Variants in FAM120C observed in about 807,000 individuals in gnomAD.
The protein encoded by FAM120C is constitutive coactivator of PPAR-gamma-like protein 2.
In FAM120C, 14 loss-of-function variants were observed where a neutral mutation model predicts 71.2. That is an observed-to-expected ratio of 0.20 (90% CI 0.13 to 0.31). The LOEUF (loss-of-function observed/expected upper bound fraction) is 0.31, where lower values mean the gene tolerates loss of function less well. Among genes scored for constraint, FAM120C ranks in the 10% least tolerant of loss-of-function variants. The pLI, the probability that FAM120C is intolerant of heterozygous loss-of-function variation, is 1.00. For missense variants in FAM120C, 500 were observed against 879.0 expected (o/e 0.57, Z 5.45); for synonymous variants, 354 against 353.2 (o/e 1.00, Z -0.03).
chrX:54,136,648 C>T, intron 4 of FAM120C, 58 bp from the exon 5 acceptor site: 3 of 795,506 alleles, frequency 3.8e-6, no homozygotes, highest in Non-Finnish European at 5.6e-6. Flanking sequence ...TTTTTTAATA[C>T]AGTTCATAAT....
intron 13 of FAM120C, among the ~76,000 whole-genome samples, chrX:54,083,131 A>G (rs1424776598): frequency 1.8e-5 from 2 of 109,724 alleles, no homozygotes; most frequent in African/African-American, 3.3e-5. Flanking sequence ...AAGAAAAAAA[A>G]AAAAGCAAGA....
At chrX:54,091,134 A>T (rs1557122563) in intron 11 of FAM120C, among the ~76,000 whole-genome samples, 178 bp downstream of exon 11, 1 of 112,247 alleles carries the variant, frequency 8.9e-6, no homozygotes, top group African/African-American at 3.2e-5. Context: ...TATCAGTATG[A>T]GAGCAGCGTA....
chrX:54,179,977 C>T (rs1557137141), intron 1 of FAM120C, among the ~76,000 whole-genome samples: 4 of 111,901 alleles, frequency 3.6e-5, no homozygotes, highest in Non-Finnish European at 7.5e-5. Context: ...ATCTGAATAC[C>T]CGTGACTGAG....
At chrX:54,174,745 A>C (rs938169499) in intron 1 of FAM120C, among the ~76,000 whole-genome samples, 1 of 112,053 alleles carries the variant, frequency 8.9e-6, no homozygotes, top group African/African-American at 3.2e-5. Flanking sequence ...AAATAAACGA[A>C]GTTCTTTCAA....
chrX:54,164,533 A>C (rs2067250787), intron 1 of FAM120C, among the ~76,000 whole-genome samples: 1 of 112,156 alleles, frequency 8.9e-6, no homozygotes, highest in African/African-American at 3.2e-5. Context: ...TGACTGGCTT[A>C]TTTCACTTAG....
chrX:54,084,462 T>C (rs1172815922), intron 13 of FAM120C, among the ~76,000 whole-genome samples: 1 of 112,016 alleles, frequency 8.9e-6, no homozygotes, highest in African/African-American at 3.2e-5. Context: ...ACAAACACCT[T>C]CAACCACAGC....
At position 54,106,956 on chromosome X, in the gene FAM120C, T is replaced by G. The variant is rs782454165; in HGVS notation, c.2312+9589A>C. On this transcript the variant is annotated intron_variant, in intron 10 of 15. Transcript: ENST00000375180. ...AACGCTTTTATGCTGTTGGTGGGAGTGTAAATTAGTTCAACCATTGTGGAA... is the reference window on the plus strand; with the variant it reads ...AACGCTTTTATGCTGTTGGTGGGAGGGTAAATTAGTTCAACCATTGTGGAA... Among the ~76,000 whole-genome samples, 4 of 111,315 alleles carry G rather than the reference T, an allele frequency of 3.6e-5. No homozygotes were observed. The South Asian group carries it at 1.1e-3, about 31-fold the overall frequency.
chrX:54,085,547 A>G (rs1331330342), intron 13 of FAM120C, among the ~76,000 whole-genome samples, 168 bp downstream of exon 13: 1 of 109,947 alleles, frequency 9.1e-6, no homozygotes, highest in Non-Finnish European at 1.9e-5. Flanking sequence ...AGATCACACT[A>G]TTGCACTCCA....
chrX:54,161,271 T>G (rs1211668231), intron 1 of FAM120C, among the ~76,000 whole-genome samples: 1 of 111,593 alleles, frequency 9.0e-6, no homozygotes, highest in African/African-American at 3.3e-5. Context: ...TCTCTCTTCA[T>G]CACAACCTCA....
intron 10 of FAM120C, among the ~76,000 whole-genome samples, chrX:54,096,149 G>A (rs782055898): frequency 7.2e-5 from 8 of 110,861 alleles, no homozygotes; most frequent in Admixed American, 9.7e-5. Flanking sequence ...GGTGGCTCAC[G>A]CCTGTAATCC....
chrX:54,101,377 G>C (rs2066881431), intron 10 of FAM120C, among the ~76,000 whole-genome samples: 1 of 111,726 alleles, frequency 9.0e-6, no homozygotes, highest in Admixed American at 9.6e-5. Context: ...CTGCCTCAAA[G>C]ATCTCTGAAG....
At chrX:54,083,433 C>CCCCACA (rs1557121562) in intron 13 of FAM120C, among the ~76,000 whole-genome samples, 19 of 78,933 alleles carry the variant, frequency 2.4e-4, no homozygotes, top group South Asian at 8.6e-4. Context: ...GACCCCATCT[C>CCCCACA]CACACACACA....
At chrX:54,127,624 T>A (rs1323016928) in intron 9 of FAM120C, among the ~76,000 whole-genome samples, 3 of 107,888 alleles carry the variant, frequency 2.8e-5, no homozygotes, top group Non-Finnish European at 5.8e-5. Context: ...CTTATTCTGT[T>A]ACCCAGGCTG....
intron 9 of FAM120C, 64 bp downstream of exon 9, chrX:54,132,628 C>T: frequency 1.0e-6 from 1 of 980,858 alleles, no homozygotes; most frequent in Admixed American, 3.4e-5. Context: ...ACCCAATGTG[C>T]CTGGACAGAC....
At position 54,159,575 on chromosome X, in the gene FAM120C, C is replaced by T. The variant is rs782151224; in HGVS notation, c.741G>A (p.Ala247=). The T allele has an allele frequency of 2.2e-5, 27 of 1,208,214 alleles. No homozygotes were observed. The highest frequency in any genetic ancestry group is 7.0e-5 in the African/African-American group (4 of 56,752). Residue 247 remains alanine (A), a synonymous_variant, in exon 2 of 16, where the codon GCG becomes GCA. Coordinates refer to ENST00000375180, the MANE Select transcript of FAM120C (RefSeq NM_017848.6). ...SLEDHHLEVV[A]FFRENGFHGL... is the part of the protein sequence containing the mutation. ...CATGGAAGCCATTTTCCCTGAAAAACGCCACCACTTCCAAATGGTGGTCTT... is the reference window on the plus strand; with the variant it reads ...CATGGAAGCCATTTTCCCTGAAAAATGCCACCACTTCCAAATGGTGGTCTT...
chrX:54,146,349 C>T (rs2067156237), intron 4 of FAM120C, among the ~76,000 whole-genome samples: 1 of 110,437 alleles, frequency 9.1e-6, no homozygotes, highest in Non-Finnish European at 1.9e-5. Context: ...AAAATTTATA[C>T]GGAAAGACAA....
At chrX:54,117,266 T>A (rs1473644540) in intron 9 of FAM120C, among the ~76,000 whole-genome samples, 2 of 107,347 alleles carry the variant, frequency 1.9e-5, no homozygotes, top group Non-Finnish European at 3.8e-5. Context: ...GGCAGGAGTA[T>A]CCCTTGAGCC....
At chrX:54,147,224 CA>C (rs1189548005) in intron 4 of FAM120C, 1 of 110,425 alleles carries the variant, frequency 9.1e-6, no homozygotes, top group Non-Finnish European at 1.9e-5. Context: ...GGCTGAGGCA[CA>C]GTAATCGCTT....
At chrX:54,154,730 A>G (rs1212144434) in intron 3 of FAM120C, among the ~76,000 whole-genome samples, 6 of 111,725 alleles carry the variant, frequency 5.4e-5, no homozygotes, top group African/African-American at 1.6e-4. Flanking sequence ...ACTTGAACAT[A>G]TAACTTTGAG....
Sources: gnomAD v4.1 joint callset for allele counts (sites outside exome capture counted in the v4.1 genomes callset) on GRCh38, gnomAD v4.1.1 for gene constraint, MANE v1.5 for transcripts, NCBI Gene and HGNC (gene_info 2026-07-23, HGNC 2026-07-21) for gene names.